Variants in SWI5 observed in about 807,000 individuals in gnomAD.
SWI5 encodes SWI5 homologous recombination repair protein, also known as DNA repair protein SWI5 homolog.
In SWI5, 12 loss-of-function variants were observed where a neutral mutation model predicts 17.0. That is an observed-to-expected ratio of 0.71 (90% CI 0.45 to 1.14). The LOEUF is 1.14. Ranked by LOEUF, SWI5 falls within the 50% of genes most tolerant of loss-of-function variation. SWI5 has a pLI of 0.00. For missense variants in SWI5, 158 were observed against 162.2 expected (o/e 0.97, Z 0.14); for synonymous variants, 61 against 64.0 (o/e 0.95, Z 0.22).
intron 4 of SWI5, 105 bp downstream of exon 4, chr9:128,286,138 A>C: frequency 1.3e-6 from 1 of 799,064 alleles, no homozygotes. Context: ...CAACCGTCAC[A>C]CCCTCAGCAG....
intron 2 of SWI5, among the ~76,000 whole-genome samples, chr9:128,277,149 C>T (rs1436797528): frequency 1.3e-5 from 2 of 152,158 alleles, no homozygotes; most frequent in Admixed American, 6.5e-5. Context: ...CCACTCCTTT[C>T]GTTGCTAATA....
upstream of SWI5, chr9:128,275,963 G>A: frequency 1.3e-6 from 2 of 1,596,112 alleles, no homozygotes; most frequent in South Asian, 2.2e-5. Flanking sequence ...AGGGAGGCGG[G>A]GTTGGGGCCA....
chr9:128,282,318 C>T lies in SWI5; in HGVS notation c.112-2192C>T, dbSNP rs569561881. On this transcript the variant is annotated intron_variant, in intron 2 of 4. Transcript: ENST00000418976. ...AGGAAAATCGCTTGAATCCGGGAGG[C>T]GGAGGTTGCAGTGAGCTGAGATTGT... Among the ~76,000 whole-genome samples, 374 of 151,780 alleles carry T rather than the reference C, an allele frequency of 2.5e-3. 6 individuals are homozygous for T. The highest frequency in any genetic ancestry group is 3.8e-4 in the Non-Finnish European group (26 of 67,956).
At chr9:128,288,485 A>G (rs1400777243) in intron 4 of SWI5, among the ~76,000 whole-genome samples, 167 bp from the exon 5 acceptor site, 2 of 152,190 alleles carry the variant, frequency 1.3e-5, no homozygotes. Flanking sequence ...TGGAAGGAGT[A>G]GCAGGGAGCT....
At chr9:128,284,274 G>A (rs1162809151) in intron 2 of SWI5, among the ~76,000 whole-genome samples, 1 of 140,488 alleles carries the variant, frequency 7.1e-6, no homozygotes, top group Non-Finnish European at 1.5e-5. Flanking sequence ...GGGCAACAGA[G>A]CGAGACTCCG....
intron 4 of SWI5, among the ~76,000 whole-genome samples, chr9:128,287,952 A>G (rs976509774): frequency 6.6e-6 from 1 of 152,104 alleles, no homozygotes; most frequent in African/African-American, 2.4e-5. Flanking sequence ...GAACCAGACA[A>G]TTTAAAGTCT....
chr9:128,282,326 G>T (rs1181918906), intron 2 of SWI5, among the ~76,000 whole-genome samples: 1 of 152,012 alleles, frequency 6.6e-6, no homozygotes, highest in Non-Finnish European at 1.5e-5. Flanking sequence ...GGCGGAGGTT[G>T]CAGTGAGCTG....
chr9:128,288,625 C>T, intron 4 of SWI5, 27 bp from the exon 5 acceptor site: 1 of 1,613,802 alleles, frequency 6.2e-7, no homozygotes, highest in Non-Finnish European at 8.5e-7. Context: ...CCCCACTGCA[C>T]ATTCAGCCTG....
chr9:128,278,704 A>G (rs554789454), intron 2 of SWI5: 1 of 471,090 alleles, frequency 2.1e-6, no homozygotes, highest in Non-Finnish European at 4.4e-6. Flanking sequence ...AGTTCCAGAG[A>G]GATGAATATA....
rs1564373626 is a variant in SWI5, at chr9:128,280,514, A to ATTT, written c.111+3759_111+3760insTTT. 4.2e-4 allele frequency among the ~76,000 whole-genome samples: 62 copies of ATTT among 148,566 alleles called. No homozygotes were observed. In the East Asian group the frequency reaches 5.1e-3, roughly 12 times the overall value. On this transcript the variant is annotated intron_variant, in intron 2 of 4. Transcript: ENST00000418976. ...CATGGTTGCATCTGTTCTTTTTAAA[A>ATTT]AAAAAAAAAAAAAAAACAAGAGTCT...
chr9:128,276,309 T>C (rs1831369142), exon 1 of SWI5: 1 of 1,612,986 alleles, frequency 6.2e-7, no homozygotes, highest in Non-Finnish European at 8.5e-7. Flanking sequence ...CCTGGCCCGG[T>C]GCACCTGAGA....
At chr9:128,280,307 C>T (rs1018903001) in intron 2 of SWI5, among the ~76,000 whole-genome samples, 11 of 151,978 alleles carry the variant, frequency 7.2e-5, no homozygotes, top group Non-Finnish European at 1.2e-4. Context: ...CAGCCCTGAC[C>T]TTTCTTGGGA....
chr9:128,275,549 C>A (rs1021539656), upstream of SWI5: 70 of 1,245,782 alleles, frequency 5.6e-5, no homozygotes, highest in Admixed American at 3.1e-4. Context: ...CCCAAAGTCA[C>A]TGGCGAGGGC....
At position 128,285,825 on chromosome 9, in the gene SWI5, A is replaced by G; in HGVS notation, c.234-114A>G. On this transcript the variant is annotated intron_variant, in intron 3 of 4. Coordinates refer to ENST00000418976, the Ensembl canonical transcript of SWI5. This position sits in a 1 kb window ranked among gnomAD's most constrained non-coding sequence, Gnocchi z 4.8. Reference sequence around the variant, plus strand: ...CCTATCTTGCTGTCACCATATCCCTAGTACCTATCACCGAGTAGGCCATTA... The same window carrying G: ...CCTATCTTGCTGTCACCATATCCCTGGTACCTATCACCGAGTAGGCCATTA... 1.4e-6 allele frequency: 1 copy of G among 696,106 alleles called. No homozygotes were observed. Among genetic ancestry groups the G allele is most frequent in the South Asian group, 1.7e-5 (1 of 59,514 alleles). 43.1% of individuals were successfully genotyped at this position (696,106 alleles called of 1,614,324 possible).
chr9:128,275,753 G>A (rs1315359383), upstream of SWI5: 2 of 596,060 alleles, frequency 3.4e-6, no homozygotes, highest in Non-Finnish European at 2.9e-6. Flanking sequence ...TGGCTGACAA[G>A]ACTTTGGTGG....
At position 128,285,449 on chromosome 9, in the gene SWI5, G is replaced by A. The variant is rs1206484913; in HGVS notation, c.234-490G>A. Among the ~76,000 whole-genome samples the A allele has an allele frequency of 1.3e-5, 2 of 152,180 alleles. No individual in the cohort carries two copies. The highest frequency in any genetic ancestry group is 2.4e-5 in the African/African-American group (1 of 41,440). Reference sequence around the variant, plus strand: ...GAAGCTGTTGCTCTTCCAGTCTCCGGAGCCATGTTCTCCACCTCTGCTTCC... The same window carrying A: ...GAAGCTGTTGCTCTTCCAGTCTCCGAAGCCATGTTCTCCACCTCTGCTTCC... On this transcript the variant is annotated intron_variant, in intron 3 of 4. Transcript: ENST00000418976. The surrounding 1 kb of genome is among the most constrained non-coding windows in gnomAD (Gnocchi z 4.8).
exon 2 of SWI5, chr9:128,276,745 T>C (rs917344570): frequency 1.2e-6 from 2 of 1,612,528 alleles, no homozygotes; most frequent in East Asian, 2.2e-5. Flanking sequence ...CGCGGGGCCT[T>C]CCGATCCCCT....
intron 3 of SWI5, 103 bp downstream of exon 3, chr9:128,284,734 T>C (rs1831606036): frequency 2.9e-6 from 4 of 1,375,264 alleles, no homozygotes; most frequent in East Asian, 5.3e-5. Context: ...GGTGGGTGGA[T>C]CACTTGAGGT....
intron 2 of SWI5, chr9:128,278,738 G>A: frequency 2.3e-6 from 1 of 441,522 alleles, no homozygotes; most frequent in South Asian, 1.7e-5. Context: ...AGAGCTGGGG[G>A]CTTTAAACTG....
Sources: gnomAD v4.1 joint callset for allele counts (sites outside exome capture counted in the v4.1 genomes callset) on GRCh38, gnomAD v4.1.1 for gene constraint, Gnocchi (gnomAD v3.1) non-coding constraint, MANE v1.5 for transcripts, NCBI Gene and HGNC (gene_info 2026-07-23, HGNC 2026-07-21) for gene names.